Variants in PAIP2B observed in about 807,000 individuals in gnomAD.
PAIP2B encodes the protein poly(A) binding protein interacting protein 2B, also known as polyadenylate-binding protein-interacting protein 2B.
In PAIP2B, 13 loss-of-function variants were observed where a neutral mutation model predicts 17.0. That is an observed-to-expected ratio of 0.76 (90% CI 0.50 to 1.22). PAIP2B has a LOEUF of 1.22. Among genes scored for constraint, PAIP2B ranks in the 50% most tolerant of loss-of-function variants. PAIP2B has a pLI of 0.00. For missense variants in PAIP2B, 117 were observed against 144.5 expected, an observed-to-expected ratio of 0.81 and a Z score of 0.98; for synonymous variants, 43 against 48.7, an observed-to-expected ratio of 0.88 and a Z score of 0.48.
intron 1 of PAIP2B, among the ~76,000 whole-genome samples, chr2:71,213,994 CTTTCA>C (rs1675366377): frequency 6.6e-6 from 1 of 152,206 alleles, no homozygotes; most frequent in South Asian, 2.1e-4. Flanking sequence ...AATACTCCAC[CTTTCA>C]TTTATTTATT....
chr2:71,196,131 T>C (rs1375081129), intron 2 of PAIP2B, among the ~76,000 whole-genome samples: 1 of 152,192 alleles, frequency 6.6e-6, no homozygotes, highest in Admixed American at 6.5e-5. Flanking sequence ...AGATCTTTTA[T>C]CACTTTGTGA....
At chr2:71,212,649 G>A (rs1229727619) in intron 1 of PAIP2B, among the ~76,000 whole-genome samples, 1 of 152,098 alleles carries the variant, frequency 6.6e-6, no homozygotes, top group Non-Finnish European at 1.5e-5. Flanking sequence ...TTAGAGATGG[G>A]ATCCATGTTG....
rs1402933442 is a variant in PAIP2B, at chr2:71,184,803, G to A, written c.*3676C>T. On this transcript the variant is annotated 3_prime_UTR_variant, in exon 4 of 4. Transcript: ENST00000244221. ...CACTTCGCAAACTAATGACGTCCGC[G>A]TTATCCCAGAGGAGAGTGGCTAGGG... 2 of 151,494 alleles carry A rather than the reference G, an allele frequency of 1.3e-5. No individual in the cohort carries two copies. Among genetic ancestry groups the A allele is most frequent in the African/African-American group, 4.9e-5 (2 of 41,118 alleles). The allele number at this position is 151,494 out of a possible 1,614,324, so 9.4% of individuals were successfully genotyped here. A position where few individuals can be genotyped will look rare whatever the true frequency, so the allele number is the denominator to read the frequency against.
At chr2:71,217,128 C>CTATA (rs1055681445) in intron 1 of PAIP2B, among the ~76,000 whole-genome samples, 6 of 151,856 alleles carry the variant, frequency 4.0e-5, no homozygotes, top group African/African-American at 1.5e-4. Context: ...GAATTATTGG[C>CTATA]TATATATATA....
rs562856812 is a variant in PAIP2B at position 71,206,091 on chromosome 2, C to G, written c.-11-3491G>C. Among the ~76,000 whole-genome samples the G allele has an allele frequency of 3.4e-4, 52 of 152,312 alleles. 1 individual carries two copies. In the South Asian group the frequency reaches 0.011, roughly 31 times the overall value. ...AATAATAAATATTAGTTGTTTTAAC[C>G]TGCTAATCTTTGGGGAAAGTTGTCA... On this transcript the variant is annotated intron_variant, in intron 1 of 3. Transcript: ENST00000244221.
chr2:71,192,262 ATTTTT>A (rs56380844), intron 2 of PAIP2B, among the ~76,000 whole-genome samples: 1 of 142,218 alleles, frequency 7.0e-6, no homozygotes, highest in African/African-American at 2.6e-5. Flanking sequence ...TAGATACTGC[ATTTTT>A]TTTTTTTTTT....
intron 1 of PAIP2B, among the ~76,000 whole-genome samples, chr2:71,218,771 T>A (rs753185456): frequency 6.6e-6 from 1 of 152,164 alleles, no homozygotes; most frequent in Non-Finnish European, 1.5e-5. Flanking sequence ...ATATATTTAC[T>A]GCCACAGAAA....
chr2:71,200,576 AC>A (rs1458271889), intron 2 of PAIP2B, among the ~76,000 whole-genome samples: 1 of 152,036 alleles, frequency 6.6e-6, no homozygotes, highest in Non-Finnish European at 1.5e-5. Context: ...ACATGGCGAA[AC>A]CCCATCTCTA....
chr2:71,211,284 CA>C (rs1675290791), intron 1 of PAIP2B, among the ~76,000 whole-genome samples: 1 of 151,694 alleles, frequency 6.6e-6, no homozygotes, highest in Non-Finnish European at 1.5e-5. Context: ...CTGCATTTAG[CA>C]AGTGGCAAGA....
intron 1 of PAIP2B, among the ~76,000 whole-genome samples, chr2:71,220,166 G>T (rs1463940724): frequency 1.3e-5 from 2 of 152,152 alleles, no homozygotes; most frequent in Non-Finnish European, 2.9e-5. Flanking sequence ...ATTTCCGAAG[G>T]TGCCTCTCAT....
Position 71,183,560 on chromosome 2 carries a change from CA to C in PAIP2B, c.*4918del, listed in dbSNP as rs1008388828. On this transcript the variant is annotated 3_prime_UTR_variant, in exon 4 of 4. Transcript: ENST00000244221. ...CCAAGTTTAAAAGGCTCTCTGCTGACAAAATGTGGTACATCCATCAACAGAA... is the reference window on the plus strand; with the variant it reads ...CCAAGTTTAAAAGGCTCTCTGCTGACAAATGTGGTACATCCATCAACAGAA... 1 of 146,102 alleles carries C rather than the reference CA, an allele frequency of 6.8e-6. No individual in the cohort carries two copies. The highest frequency in any genetic ancestry group is 1.5e-5 in the Non-Finnish European group (1 of 66,872). The allele number at this position is 146,102 out of a possible 1,614,324, so 9.1% of individuals were successfully genotyped here. A position where few individuals can be genotyped will look rare whatever the true frequency, so the allele number is the denominator to read the frequency against.
intron 1 of PAIP2B, among the ~76,000 whole-genome samples, chr2:71,207,486 A>G (rs1675161584): frequency 6.6e-6 from 1 of 152,172 alleles, no homozygotes; most frequent in African/African-American, 2.4e-5. Flanking sequence ...AAATAATAGA[A>G]GCCATTATAA....
intron 2 of PAIP2B, among the ~76,000 whole-genome samples, chr2:71,192,667 T>A (rs1011573911): frequency 4.0e-5 from 6 of 151,894 alleles, no homozygotes; most frequent in Non-Finnish European, 1.5e-5. Context: ...TAGCTCCTAC[T>A]TATAAGTGAG....
At chr2:71,198,143 C>T (rs989134527) in intron 2 of PAIP2B, among the ~76,000 whole-genome samples, 8 of 152,060 alleles carry the variant, frequency 5.3e-5, no homozygotes, top group Non-Finnish European at 1.0e-4. Context: ...TTTTGAGATG[C>T]AGTTTCACAC....
chr2:71,220,849 T>C (rs544695293), intron 1 of PAIP2B, among the ~76,000 whole-genome samples: 1 of 152,340 alleles, frequency 6.6e-6, no homozygotes, highest in South Asian at 2.1e-4. Flanking sequence ...TCCTTTCTTC[T>C]TGTTTAGATA....
rs1675734845 is a variant in PAIP2B, at chr2:71,226,577, G to GAAA, written c.-12+348_-12+350dup. On this transcript the variant is annotated intron_variant, in intron 1 of 3. Transcript: ENST00000244221. ...TGCCTAGCATTGTTGCACCTGGGTA[G>GAAA]AAATGGGACTCAGGCCAAGAATTCG... Among the ~76,000 whole-genome samples the GAAA allele has an allele frequency of 2.6e-5, 4 of 152,170 alleles. No homozygotes were observed. The South Asian group carries it at 8.3e-4, about 32-fold the overall frequency.
At position 71,187,194 on chromosome 2, in the gene PAIP2B, G is replaced by C. The variant is rs932011930; in HGVS notation, c.*1285C>G. On this transcript the variant is annotated 3_prime_UTR_variant, in exon 4 of 4. Coordinates refer to ENST00000244221, the MANE Select transcript of PAIP2B (RefSeq NM_020459.1). ...ACACGAAGGTAGCTCCTGGCACCCA[G>C]TTTAGTTCCTTAGGGGTAGCAACAA... 6.6e-6 allele frequency: 1 copy of C among 152,192 alleles called. No individual in the cohort carries two copies. Among genetic ancestry groups the C allele is most frequent in the Admixed American group, 6.6e-5 (1 of 15,256 alleles). The allele number at this position is 152,192 out of a possible 1,614,324, so 9.4% of individuals were successfully genotyped here. A position where few individuals can be genotyped will look rare whatever the true frequency, so the allele number is the denominator to read the frequency against.
intron 3 of PAIP2B, 24 bp downstream of exon 3, chr2:71,189,821 T>C: frequency 6.5e-7 from 1 of 1,533,012 alleles, no homozygotes; most frequent in Non-Finnish European, 8.8e-7. Context: ...CTACATAACC[T>C]GGGGAACTAC....
At chr2:71,189,193 T>A (rs1674619168) in intron 3 of PAIP2B, among the ~76,000 whole-genome samples, 1 of 152,050 alleles carries the variant, frequency 6.6e-6, no homozygotes, top group Non-Finnish European at 1.5e-5. Flanking sequence ...TTGTATTTTT[T>A]TAGTAGATAT....
Sources: allele counts gnomAD v4.1 joint callset (sites outside exome capture counted in the v4.1 genomes callset), GRCh38; gene constraint gnomAD v4.1.1; transcripts MANE v1.5; gene names NCBI Gene and HGNC (gene_info 2026-07-23, HGNC 2026-07-21).